SYNE2: variants seen among roughly 807,000 people sequenced by gnomAD.
SYNE2 encodes nesprin-2.
In SYNE2, 431 loss-of-function variants were observed where a neutral mutation model predicts 856.3. That is an observed-to-expected ratio of 0.50 (90% CI 0.47 to 0.55). SYNE2 has a LOEUF of 0.55. SYNE2 is among the 20% of genes least tolerant of loss of function. The pLI, the probability that SYNE2 is intolerant of heterozygous loss-of-function variation, is 0.00. For missense variants in SYNE2, 8,129 were observed against 8,023.2 expected, an observed-to-expected ratio of 1.01 and a Z score of -0.50; for synonymous variants, 2,923 against 2,872.3, an observed-to-expected ratio of 1.02 and a Z score of -0.56.
intron 63 of SYNE2, among the ~76,000 whole-genome samples, chr14:64,100,531 A>AAAAT (rs1491537041): frequency 1.5e-3 from 60 of 39,452 alleles, no homozygotes; most frequent in Non-Finnish European, 2.2e-3. Flanking sequence ...AAAAAAAAAA[A>AAAAT]ATATATATAT....
chr14:64,018,627 T>C (rs1230489979), intron 34 of SYNE2, among the ~76,000 whole-genome samples: 1 of 152,232 alleles, frequency 6.6e-6, no homozygotes, highest in African/African-American at 2.4e-5. Flanking sequence ...AACCCTGCTG[T>C]TGGAGAATTG....
intron 1 of SYNE2, among the ~76,000 whole-genome samples, chr14:63,846,017 T>A (rs1430382284): frequency 2.0e-5 from 3 of 151,494 alleles, no homozygotes; most frequent in African/African-American, 7.3e-5. Context: ...GTGCTGGGAT[T>A]ACAGGCGTGA....
At position 64,049,864 on chromosome 14, in the gene SYNE2, A is replaced by G; in HGVS notation, c.7631A>G (p.Glu2544Gly). ...ATGAAAGCCTTGTTGACAGACAAGG[A>G]AAGTCTTAAAGTGTAAGTGTAAGAA... Reference protein sequence around the residue: ...SSMKALLTDKESLKVGPLDSV... With the variant: ...SSMKALLTDKGSLKVGPLDSV... The change falls in exon 47 of 116, where the codon GAA becomes GGA. Residue 2544 changes from glutamate (E) to glycine (G), a missense_variant. Glu to Gly is a moderately conservative substitution (Grantham distance 98). Around this residue, in one of 3 missense-constraint regions of SYNE2, gnomAD observed 5,410 missense variants for 5,284.8 expected, o/e 1.02. Coordinates refer to ENST00000555002, the MANE Select transcript of SYNE2 (RefSeq NM_182914.3). 1 of 1,614,026 alleles carries G rather than the reference A, an allele frequency of 6.2e-7. No homozygotes were observed. Among genetic ancestry groups the G allele is most frequent in the East Asian group, 2.2e-5 (1 of 44,860 alleles).
chr14:64,089,902 A>AT (rs1258958839), intron 59 of SYNE2, among the ~76,000 whole-genome samples: 1 of 152,164 alleles, frequency 6.6e-6, no homozygotes, highest in African/African-American at 2.4e-5. Context: ...CCTATAGGTT[A>AT]TTTTTTCATT....
At chr14:64,069,288 G>T (rs1487038618) in intron 51 of SYNE2, among the ~76,000 whole-genome samples, 1 of 33,128 alleles carries the variant, frequency 3.0e-5, no homozygotes, top group East Asian at 6.3e-4. Flanking sequence ...GACAGAAAAT[G>T]ATACAATGGA....
chr14:64,206,011 T>C (rs936580248), intron 100 of SYNE2, among the ~76,000 whole-genome samples: 1 of 152,234 alleles, frequency 6.6e-6, no homozygotes, highest in African/African-American at 2.4e-5. Flanking sequence ...GAGCTGGCAC[T>C]GGGGGCTTCA....
At chr14:64,038,912 G>C (rs1182476514) in intron 45 of SYNE2, among the ~76,000 whole-genome samples, 1 of 152,128 alleles carries the variant, frequency 6.6e-6, no homozygotes, top group African/African-American at 2.4e-5. Context: ...TTTGATGGGA[G>C]AGAGCGTGAG....
chr14:64,078,389 C>T lies in SYNE2; in HGVS notation c.11023-77C>T, dbSNP rs2069539131. The T allele has an allele frequency of 4.4e-6, 7 of 1,592,932 alleles. No individual in the cohort carries two copies. In the African/African-American group the frequency reaches 6.7e-5, roughly 15 times the overall value. On this transcript the variant is annotated intron_variant, in intron 54 of 115. Coordinates refer to ENST00000555002, the MANE Select transcript of SYNE2 (RefSeq NM_182914.3). ...TTTACAAGTTAAAACAGAGTGACTA[C>T]CACTTTTGTTGTTCGAACCTATGAA...
Position 64,026,634 on chromosome 14 carries a change from A to G in SYNE2, c.6308A>G (p.Gln2103Arg), listed in dbSNP as rs1249913665. Residue 2103 changes from glutamine (Q) to arginine (R), a missense_variant, in exon 42 of 116, where the codon CAG (glutamine) becomes CGG (arginine). This residue lies in a region of SYNE2 where 297 missense variants were observed against 380.9 expected (regional missense o/e 0.78). Coordinates refer to ENST00000555002, the MANE Select transcript of SYNE2 (RefSeq NM_182914.3). ...GCCAGAATAGAGACCATCATGAAGC[A>G]GGCTGAGAGCAGCGAGGCCCCGCTG... is the stretch of plus-strand genomic sequence containing the variant. ...GDARIETIMKQAESSEAPLVQ... is the reference protein window; with the variant it reads ...GDARIETIMKRAESSEAPLVQ... 6.2e-7 allele frequency: 1 copy of G among 1,613,748 alleles called. No homozygotes were observed. The highest frequency in any genetic ancestry group is 2.2e-5 in the East Asian group (1 of 44,894).
intron 51 of SYNE2, among the ~76,000 whole-genome samples, chr14:64,069,228 C>T (rs539597787): frequency 7.1e-6 from 1 of 140,304 alleles, no homozygotes; most frequent in Admixed American, 6.8e-5. Flanking sequence ...TGTACAATTC[C>T]CCCATCTATG....
At chr14:64,022,121 AGATGG>A in intron 37 of SYNE2, 93 bp downstream of exon 37, 1 of 1,250,306 alleles carries the variant, frequency 8.0e-7, no homozygotes, top group Non-Finnish European at 1.2e-6. Flanking sequence ...CCTGACTTAG[AGATGG>A]TTTGCACAGA....
intron 1 of SYNE2, among the ~76,000 whole-genome samples, chr14:63,891,100 G>A (rs2095119790): frequency 6.6e-6 from 1 of 152,120 alleles, no homozygotes; most frequent in Non-Finnish European, 1.5e-5. Flanking sequence ...GAATAAAATT[G>A]GGATGGAAAG....
At chr14:63,857,353 G>A (rs755551681) in intron 1 of SYNE2, among the ~76,000 whole-genome samples, 4 of 151,978 alleles carry the variant, frequency 2.6e-5, no homozygotes, top group Admixed American at 6.6e-5. Flanking sequence ...ACTGATAGAC[G>A]CCAGTTCATG....
chr14:64,115,870 T>C (rs1376937649), intron 66 of SYNE2, among the ~76,000 whole-genome samples: 1 of 150,196 alleles, frequency 6.7e-6, no homozygotes, highest in Non-Finnish European at 1.5e-5. Context: ...GTGAAGATTA[T>C]GGACCAGGAG....
chr14:64,099,051 G>A (rs566732819), intron 63 of SYNE2: 22 of 512,330 alleles, frequency 4.3e-5, no homozygotes, highest in Admixed American at 3.4e-4. Flanking sequence ...GTTGGCATAC[G>A]GGAGAAGGTG....
chr14:63,842,705 C>T (rs1018899535), intron 1 of SYNE2, among the ~76,000 whole-genome samples: 7 of 151,974 alleles, frequency 4.6e-5, no homozygotes, highest in South Asian at 2.1e-4. Flanking sequence ...AATGACCCGC[C>T]GGCCTCGGCC....
At position 64,188,594 on chromosome 14, in the gene SYNE2, G is replaced by C; in HGVS notation, c.17757G>C (p.Trp5919Cys). Residue 5919 changes from tryptophan to cysteine, a missense_variant, in exon 98 of 116, where the codon TGG becomes TGC. By Grantham distance (215) the Trp-to-Cys change is radical (BLOSUM62 -2). Around this residue, in one of 3 missense-constraint regions of SYNE2, gnomAD observed 5,410 missense variants for 5,284.8 expected, o/e 1.02. Coordinates refer to ENST00000555002, the MANE Select transcript of SYNE2 (RefSeq NM_182914.3). ...AGATTGAAGACAGACTCAATACATGGGTTGTATTCAATGAAAAAAATAAAG... is the reference window on the plus strand; with the variant it reads ...AGATTGAAGACAGACTCAATACATGCGTTGTATTCAATGAAAAAAATAAAG... ...KQEIEDRLNT[W>C]VVFNEKNKEL... The C allele has an allele frequency of 6.2e-7, 1 of 1,614,150 alleles. No homozygotes were observed. The highest frequency in any genetic ancestry group is 8.5e-7 in the Non-Finnish European group (1 of 1,180,026).
intron 11 of SYNE2, among the ~76,000 whole-genome samples, chr14:63,975,438 T>G (rs1395037683): frequency 6.6e-6 from 1 of 152,182 alleles, no homozygotes; most frequent in Admixed American, 6.5e-5. Context: ...GCTCAAGTGA[T>G]CCTCCCACCT....
At chr14:64,215,484 G>A (rs1242694414) in intron 107 of SYNE2, 130 bp downstream of exon 107, 1 of 941,938 alleles carries the variant, frequency 1.1e-6, no homozygotes, top group Non-Finnish European at 1.7e-6. Flanking sequence ...CTTGTGTCAT[G>A]GTGTATTTAC....
Sources: gnomAD v4.1 joint callset for allele counts (sites outside exome capture counted in the v4.1 genomes callset) on GRCh38, gnomAD v4.1.1 for gene constraint, gnomAD v4.1.1 regional missense constraint, MANE v1.5 for transcripts, NCBI Gene and HGNC (gene_info 2026-07-23, HGNC 2026-07-21) for gene names.